Variants in SPATA7 observed in about 807,000 individuals in gnomAD.
SPATA7 encodes spermatogenesis-associated protein 7.
Under a neutral mutation model 51.8 loss-of-function variants are expected in SPATA7, and 43 were observed. The observed-to-expected ratio is 0.83, with a 90% CI of 0.65 to 1.07. SPATA7 has a LOEUF of 1.07. Among genes scored for constraint, SPATA7 ranks in the 50% least tolerant of loss-of-function variants. The probability of loss-of-function intolerance (pLI) is 0.00; values close to 1 mark genes in which losing one functional copy is unlikely to be tolerated. For missense variants in SPATA7, 683 were observed against 701.3 expected, an observed-to-expected ratio of 0.97 and a Z score of 0.30; for synonymous variants, 230 against 252.8, an observed-to-expected ratio of 0.91 and a Z score of 0.86.
intron 7 of SPATA7, 155 bp from the exon 8 acceptor site, chr14:88,429,193 G>A: frequency 2.0e-6 from 1 of 493,368 alleles, no homozygotes; most frequent in Non-Finnish European, 3.7e-6. Flanking sequence ...AGTGCTGGAT[G>A]GATAGAAAAA....
chr14:88,433,046 G>A (rs1162647287), intron 9 of SPATA7, 89 bp from the exon 10 acceptor site: 1 of 956,024 alleles, frequency 1.0e-6, no homozygotes, highest in African/African-American at 1.6e-5. Flanking sequence ...GGTAGAGATA[G>A]ATATTTCTAA....
At chr14:88,462,892 C>T (rs563867793) in intron 4 of SPATA7, among the ~76,000 whole-genome samples, 5 of 152,062 alleles carry the variant, frequency 3.3e-5, no homozygotes, top group Non-Finnish European at 5.9e-5. Context: ...TCCGTTTGTC[C>T]CTATTTATAA....
At chr14:88,429,684 G>GA (rs927053085) in intron 8 of SPATA7, among the ~76,000 whole-genome samples, 15 of 152,018 alleles carry the variant, frequency 9.9e-5, no homozygotes, top group South Asian at 2.1e-4. Context: ...ATTAGTAAAG[G>GA]AAAAAACCAC....
chr14:88,450,952 T>TTTAA (rs1439401480), intron 3 of SPATA7, among the ~76,000 whole-genome samples: 1 of 152,112 alleles, frequency 6.6e-6, no homozygotes, highest in Non-Finnish European at 1.5e-5. Context: ...GGTTTGGTCA[T>TTTAA]TTAACATAAT....
rs200614984 is a variant in SPATA7, at chr14:88,469,566, G to A, written c.255-281G>A. ...AGTCTGTGTATTGGAGGTGCCAGAC[G>A]GTCCTCTCTTGCCCAGTAAGGAGGT... On this transcript the variant is annotated intron_variant, in intron 4 of 4. Coordinates refer to the SPATA7 transcript ENST00000556406. The surrounding 1 kb of genome is among the most constrained non-coding windows in gnomAD (Gnocchi z 4.3). The A allele has an allele frequency of 1.7e-5, 27 of 1,613,996 alleles. No homozygotes were observed. The highest frequency in any genetic ancestry group is 5.5e-5 in the South Asian group (5 of 91,078).
At chr14:88,430,101 T>C (rs2140006436) in intron 8 of SPATA7, among the ~76,000 whole-genome samples, 1 of 152,142 alleles carries the variant, frequency 6.6e-6, no homozygotes, top group South Asian at 2.1e-4. Context: ...TTGTCAAATG[T>C]ATTTCCAGTG....
At chr14:88,411,221 C>G (rs56299804) in intron 4 of SPATA7, among the ~76,000 whole-genome samples, 5,368 of 152,202 alleles carry the variant, frequency 0.035, 314 homozygotes, top group African/African-American at 0.12. Flanking sequence ...GCCCCTCCCC[C>G]CACCAAGCTC....
intron 4 of SPATA7, among the ~76,000 whole-genome samples, chr14:88,408,926 G>A (rs1433282631): frequency 2.6e-5 from 4 of 152,176 alleles, no homozygotes; most frequent in Non-Finnish European, 5.9e-5. Flanking sequence ...ATTTGCATAT[G>A]TTGAAGCAGC....
chr14:88,435,694 T>G (rs2077067125), intron 10 of SPATA7, among the ~76,000 whole-genome samples: 1 of 152,198 alleles, frequency 6.6e-6, no homozygotes, highest in Non-Finnish European at 1.5e-5. Context: ...TGTCTTTCTG[T>G]GCCAGGCTCA....
intron 10 of SPATA7, 97 bp downstream of exon 10, chr14:88,433,309 T>A (rs950811723): frequency 6.7e-5 from 56 of 833,184 alleles, no homozygotes; most frequent in Non-Finnish European, 1.0e-4. Context: ...TATTTTCCCA[T>A]ATTAGGAAAT....
At chr14:88,425,433 C>G (rs968536198) in intron 5 of SPATA7, among the ~76,000 whole-genome samples, 1 of 152,058 alleles carries the variant, frequency 6.6e-6, no homozygotes, top group African/African-American at 2.4e-5. Flanking sequence ...TGTAATTTCC[C>G]CTCTACCTAA....
intron 3 of SPATA7, among the ~76,000 whole-genome samples, chr14:88,453,035 C>G (rs1262796144): frequency 6.6e-6 from 1 of 152,172 alleles, no homozygotes; most frequent in Non-Finnish European, 1.5e-5. Context: ...AGGGATTGCC[C>G]TAACATTTGT....
intron 5 of SPATA7, 61 bp from the exon 6 acceptor site, chr14:88,426,171 A>C (rs1476726527): frequency 1.6e-6 from 2 of 1,248,756 alleles, no homozygotes; most frequent in Non-Finnish European, 2.3e-6. Flanking sequence ...GTATAATCTC[A>C]AAATCCCCAA....
chr14:88,448,074 G>A lies in SPATA7; in HGVS notation c.178-6986G>A, dbSNP rs2077226537. On this transcript the variant is annotated intron_variant, in intron 3 of 3. Coordinates refer to the SPATA7 transcript ENST00000554802. ...AAGTTCTCCTGGATAATATCTTGCA[G>A]AGTGTTTTCCAACTTGGTTCCATTC... is the stretch of plus-strand genomic sequence containing the variant. 2.0e-5 allele frequency among the ~76,000 whole-genome samples: 3 copies of A among 151,888 alleles called. No homozygotes were observed. The South Asian group carries it at 6.2e-4, about 31-fold the overall frequency.
chr14:88,430,430 T>C (rs1447060358), intron 8 of SPATA7, among the ~76,000 whole-genome samples: 1 of 152,220 alleles, frequency 6.6e-6, no homozygotes, highest in East Asian at 1.9e-4. Flanking sequence ...ATTTATCTTT[T>C]CTAATACTTT....
At chr14:88,411,122 G>A (rs2076329913) in intron 4 of SPATA7, among the ~76,000 whole-genome samples, 1 of 152,196 alleles carries the variant, frequency 6.6e-6, no homozygotes, top group Non-Finnish European at 1.5e-5. Context: ...TTGTGGCGCT[G>A]TGGTGGGCTC....
At chr14:88,402,111 A>G (rs1304585353) in intron 4 of SPATA7, among the ~76,000 whole-genome samples, 1 of 152,186 alleles carries the variant, frequency 6.6e-6, no homozygotes. Context: ...AAACTTGTAC[A>G]CTGAAAACTA....
downstream of SPATA7, among the ~76,000 whole-genome samples, chr14:88,456,301 T>C (rs1171223979): frequency 1.3e-5 from 2 of 152,208 alleles, no homozygotes; most frequent in Non-Finnish European, 2.9e-5. Context: ...ATCGCCACAC[T>C]GACTTCCACA....
At chr14:88,445,162 G>C (rs1429411427) in intron 3 of SPATA7, among the ~76,000 whole-genome samples, 1 of 151,438 alleles carries the variant, frequency 6.6e-6, no homozygotes, top group Non-Finnish European at 1.5e-5. Flanking sequence ...TTATTTCCTT[G>C]AGCAGTGGTT....
Sources: allele counts gnomAD v4.1 joint callset (sites outside exome capture counted in the v4.1 genomes callset), GRCh38; gene constraint gnomAD v4.1.1; non-coding constraint Gnocchi (gnomAD v3.1); transcripts MANE v1.5; gene names NCBI Gene and HGNC (gene_info 2026-07-23, HGNC 2026-07-21).